Variants in CACNA1C observed in about 807,000 individuals in gnomAD.
CACNA1C encodes the protein voltage-dependent L-type calcium channel subunit alpha-1C.
In CACNA1C, 30 loss-of-function variants were observed where a neutral mutation model predicts 229.0. The observed-to-expected ratio is 0.13, with a 90% CI of 0.10 to 0.18. CACNA1C has a LOEUF of 0.18. Among genes scored for constraint, CACNA1C ranks in the 10% least tolerant of loss-of-function variants. The pLI is 1.00. For synonymous variants in CACNA1C, 1,114 were observed against 1,132.5 expected (o/e 0.98, Z 0.33); for missense variants, 1,658 against 2,845.0 (o/e 0.58, Z 9.49).
chr12:2,025,910 T>C (rs2047246279), intron 1 of CACNA1C, among the ~76,000 whole-genome samples: 1 of 152,080 alleles, frequency 6.6e-6, no homozygotes, highest in Non-Finnish European at 1.5e-5. Flanking sequence ...ATAATTCCCC[T>C]GTGTAGCACT....
chr12:2,429,170 CCTT>C (rs919086248), intron 3 of CACNA1C, among the ~76,000 whole-genome samples: 1 of 151,910 alleles, frequency 6.6e-6, no homozygotes, highest in African/African-American at 2.4e-5. Context: ...GTCTGTTTTC[CCTT>C]CTTATAAGGA....
intron 29 of CACNA1C, chr12:2,612,326 T>A: frequency 3.5e-6 from 1 of 285,894 alleles, no homozygotes; most frequent in Non-Finnish European, 6.6e-6. Context: ...TGTCCCATCC[T>A]CTAGTACATA....
intron 3 of CACNA1C, among the ~76,000 whole-genome samples, chr12:2,277,350 GACAGACAGACAGACACAC>G (rs1479938493): frequency 4.6e-4 from 35 of 76,484 alleles, no homozygotes; most frequent in East Asian, 1.1e-3. Flanking sequence ...CAGACAGACA[GACAGACAGACAGACACAC>G]ACACACACAC....
At chr12:2,004,552 C>A in intron 1 of CACNA1C, 1 of 1,404,538 alleles carries the variant, frequency 7.1e-7, no homozygotes, top group Non-Finnish European at 9.5e-7. Flanking sequence ...GGAGGCCTTC[C>A]GGCTCCAGTC....
chr12:2,684,320 G>A (rs1331416783), intron 43 of CACNA1C, among the ~76,000 whole-genome samples: 1 of 152,106 alleles, frequency 6.6e-6, no homozygotes, highest in Non-Finnish European at 1.5e-5. Context: ...GGGACGGTGG[G>A]GGTGACAGGC....
At chr12:2,121,640 A>G (rs939123449) in intron 3 of CACNA1C, among the ~76,000 whole-genome samples, 25 of 152,198 alleles carry the variant, frequency 1.6e-4, no homozygotes, top group Non-Finnish European at 2.4e-4. Context: ...AAGGCAGAGC[A>G]TCGGCCGCCG....
At chr12:2,012,976 G>C (rs767539818) in intron 1 of CACNA1C, among the ~76,000 whole-genome samples, 2 of 152,194 alleles carry the variant, frequency 1.3e-5, no homozygotes, top group Non-Finnish European at 2.9e-5. Flanking sequence ...AGTGACTTTA[G>C]CTGACTGATT....
At chr12:2,547,490 G>A (rs1349262884) in intron 9 of CACNA1C, 1 of 779,780 alleles carries the variant, frequency 1.3e-6, no homozygotes. Flanking sequence ...AGAAAGGGAA[G>A]TTTGCTTGGT....
rs769308149 is a variant in CACNA1C at position 2,120,397 on chromosome 12, A to G, written c.444A>G (p.Pro148=). ...CCTTAGCGATCTATATTCCCTTTCCAGAAGATGATTCCAACGCCACCAATT... is the reference window on the plus strand; with the variant it reads ...CCTTAGCGATCTATATTCCCTTTCCGGAAGATGATTCCAACGCCACCAATT... The part of the protein sequence containing the change: ...CVALAIYIPF[P]EDDSNATNSN... Residue 148 remains proline, a synonymous_variant, in exon 3 of 47, where the codon CCA becomes CCG. Coordinates refer to ENST00000399655, the MANE Select transcript of CACNA1C (RefSeq NM_000719.7). The G allele has an allele frequency of 6.2e-7, 1 of 1,610,650 alleles. No individual in the cohort carries two copies. Among genetic ancestry groups the G allele is most frequent in the Admixed American group, 1.7e-5 (1 of 60,020 alleles).
intron 9 of CACNA1C, among the ~76,000 whole-genome samples, chr12:2,525,482 C>CT (rs754082760): frequency 5.3e-5 from 8 of 152,306 alleles, no homozygotes; most frequent in Non-Finnish European, 7.3e-5. Flanking sequence ...GGGGCTCTTC[C>CT]TGGGAGTTGG....
intron 3 of CACNA1C, among the ~76,000 whole-genome samples, chr12:2,414,068 GCCCAAGT>G (rs76967997): frequency 0.34 from 51,726 of 151,806 alleles, 9,189 homozygotes; most frequent in Admixed American, 0.47. Context: ...AGTAAGACTG[GCCCAAGT>G]CCTATCCCGT....
chr12:2,411,388 G>A (rs1279683706), intron 3 of CACNA1C, among the ~76,000 whole-genome samples: 1 of 152,152 alleles, frequency 6.6e-6, no homozygotes, highest in African/African-American at 2.4e-5. Flanking sequence ...GTGAGGGGCT[G>A]GAGGTGGGGG....
intron 1 of CACNA1C, among the ~76,000 whole-genome samples, chr12:2,027,621 T>C (rs903348892): frequency 3.9e-5 from 6 of 152,128 alleles, no homozygotes; most frequent in Non-Finnish European, 8.8e-5. Context: ...GAGGAGAGAA[T>C]GGAATTGACT....
intron 1 of CACNA1C, among the ~76,000 whole-genome samples, chr12:2,044,114 C>T (rs536588948): frequency 1.3e-5 from 2 of 151,980 alleles, no homozygotes; most frequent in Non-Finnish European, 2.9e-5. Context: ...TAAGCAGGAC[C>T]GAACATGACA....
rs1436971553 is a variant in CACNA1C, at chr12:2,652,288, C to T, written c.4074+520C>T. Among the ~76,000 whole-genome samples, 4 of 152,164 alleles carry T rather than the reference C, an allele frequency of 2.6e-5. 1 individual carries two copies. Among genetic ancestry groups the T allele is most frequent in the Non-Finnish European group, 4.4e-5 (3 of 68,032 alleles). On this transcript the variant is annotated intron_variant, in intron 32 of 46. Transcript: ENST00000399655. The stretch of plus-strand genomic sequence containing the variant: ...CCTCCGCTCGGCTAGAGAGGCCCTT[C>T]GAATGGGCCCAGGACTGCCTGGCCA...
At chr12:2,163,804 G>A (rs890068402) in intron 3 of CACNA1C, among the ~76,000 whole-genome samples, 2 of 152,100 alleles carry the variant, frequency 1.3e-5, no homozygotes, top group Non-Finnish European at 2.9e-5. Context: ...GCGGGGTCAC[G>A]GCCCTGTACA....
chr12:2,018,979 G>A (rs2045906408), intron 1 of CACNA1C, among the ~76,000 whole-genome samples: 1 of 152,154 alleles, frequency 6.6e-6, no homozygotes, highest in Non-Finnish European at 1.5e-5. Flanking sequence ...ATTATCTAAT[G>A]AGGGAGCAAA....
rs1032851376 is a variant in CACNA1C at position 2,054,656 on chromosome 12, T to A, written c.49+1045T>A. On this transcript the variant is annotated intron_variant, in intron 1 of 46. Transcript: ENST00000399655. The surrounding 1 kb of genome is among the most constrained non-coding windows in gnomAD (Gnocchi z 5.5). Reference sequence around the variant, plus strand: ...GGGACGGGGGGTGCAGACAGGGTGGTCCAGCGGGGCTTTCTGGCAACCTCC... The same window carrying A: ...GGGACGGGGGGTGCAGACAGGGTGGACCAGCGGGGCTTTCTGGCAACCTCC... Among the ~76,000 whole-genome samples, 1 of 148,750 alleles carries A rather than the reference T, an allele frequency of 6.7e-6. No individual in the cohort carries two copies. Among genetic ancestry groups the A allele is most frequent in the Admixed American group, 6.6e-5 (1 of 15,048 alleles).
chr12:2,441,998 C>G (rs758097714), intron 3 of CACNA1C, among the ~76,000 whole-genome samples: 20 of 152,192 alleles, frequency 1.3e-4, no homozygotes, highest in Admixed American at 2.6e-4. Context: ...CTGTAATTTT[C>G]TTACGTCCTT....
Sources: allele counts gnomAD v4.1 joint callset (sites outside exome capture counted in the v4.1 genomes callset), GRCh38; gene constraint gnomAD v4.1.1; non-coding constraint Gnocchi (gnomAD v3.1); transcripts MANE v1.5; gene names NCBI Gene and HGNC (gene_info 2026-07-23, HGNC 2026-07-21).